The following SSR2 variants were observed in gnomAD, a reference collection of about 807,000 sequenced individuals.
The protein encoded by SSR2 is translocon-associated protein subunit beta.
A neutral mutation model predicts 22.6 loss-of-function variants in SSR2; 16 were observed. That is an observed-to-expected ratio of 0.71 (90% CI 0.48 to 1.08). The LOEUF is 1.08. SSR2 is among the 50% of genes least tolerant of loss of function. The pLI, the probability that SSR2 is intolerant of heterozygous loss-of-function variation, is 0.00. For missense variants in SSR2, 171 were observed against 221.6 expected (o/e 0.77, Z 1.45); for synonymous variants, 83 against 91.2 (o/e 0.91, Z 0.51).
chr1:156,009,370 G>A lies in SSR2; in HGVS notation c.*170C>T. 1.6e-6 allele frequency: 1 copy of A among 640,922 alleles called. No homozygotes were observed. The highest frequency in any genetic ancestry group is 2.8e-6 in the Non-Finnish European group (1 of 359,506). The allele number at this position is 640,922 out of a possible 1,614,324, so 39.7% of individuals were successfully genotyped here. A position where few individuals can be genotyped will look rare whatever the true frequency, so the allele number is the denominator to read the frequency against. On this transcript the variant is annotated 3_prime_UTR_variant, in exon 6 of 6. Transcript: ENST00000295702. Reference sequence around the variant, plus strand: ...CCAAGGAGGCTCTCGCAGACTCCTAGGGCTGGTCCTTCACTATGGCTGAGA... The same window carrying A: ...CCAAGGAGGCTCTCGCAGACTCCTAAGGCTGGTCCTTCACTATGGCTGAGA...
In SSR2 at chr1:156,018,432, C is replaced by T. The variant is rs148233110; in HGVS notation, c.156-64G>A. The T allele has an allele frequency of 2.0e-3, 2,825 of 1,380,748 alleles. 5 individuals carry two copies. Among genetic ancestry groups the T allele is most frequent in the Non-Finnish European group, 2.6e-3 (2,560 of 984,692 alleles). 85.5% of individuals were successfully genotyped at this position (1,380,748 alleles called of 1,614,324 possible). A position where few individuals can be genotyped will look rare whatever the true frequency, so the allele number is the denominator to read the frequency against. On this transcript the variant is annotated intron_variant, in intron 2 of 5. Coordinates refer to ENST00000295702, the MANE Select transcript of SSR2 (RefSeq NM_003145.4). ...GGATATAAAATTAAAGCAGGCCGGG[C>T]GCCGTGGCTCACGCCTGTAATCCCA...
rs11356147 is a variant in SSR2 at position 156,016,589 on chromosome 1, C to CA, written c.255-1521dup. ...TAATTGAAGGAAATTATTGAAAATA[C>CA]AAAAAAAAAAGACAAAACAAAAACA... On this transcript the variant is annotated intron_variant, in intron 3 of 5. Coordinates refer to ENST00000295702, the MANE Select transcript of SSR2 (RefSeq NM_003145.4). Among the ~76,000 whole-genome samples, 73 of 149,726 alleles carry CA rather than the reference C, an allele frequency of 4.9e-4. No individual in the cohort carries two copies. The South Asian group carries it at 5.3e-3, about 11-fold the overall frequency.
intron 5 of SSR2, 36 bp downstream of exon 5, chr1:156,011,774 C>G: frequency 6.4e-7 from 1 of 1,563,932 alleles, no homozygotes; most frequent in Admixed American, 1.7e-5. Flanking sequence ...ATTCTCATAC[C>G]AAGGAACTGA....
chr1:156,019,896 C>G, intron 2 of SSR2, 117 bp downstream of exon 2: 1 of 1,148,512 alleles, frequency 8.7e-7, no homozygotes, highest in Middle Eastern at 2.7e-4. Context: ...CTCAATATAT[C>G]TGATGCTGGA....
At chr1:156,015,439 G>A (rs1446756767) in intron 3 of SSR2, among the ~76,000 whole-genome samples, 9 of 144,480 alleles carry the variant, frequency 6.2e-5, no homozygotes, top group African/African-American at 7.7e-5. Flanking sequence ...CCCGGGAGGC[G>A]GAGGTTGAGT....
chr1:156,019,478 G>A (rs554868879), intron 2 of SSR2, among the ~76,000 whole-genome samples: 14 of 151,968 alleles, frequency 9.2e-5, no homozygotes, highest in Admixed American at 3.3e-4. Flanking sequence ...TCCGCCTCCC[G>A]GGTTCAAGCG....
At chr1:156,012,231 C>T (rs1240470174) in intron 4 of SSR2, 2 of 290,970 alleles carry the variant, frequency 6.9e-6, no homozygotes, top group African/African-American at 4.3e-5. Context: ...AGTTGCTCAC[C>T]ACCACTGGTC....
At position 156,020,919 on chromosome 1, in the gene SSR2, CAA is replaced by C. The variant is rs1037155992; in HGVS notation, c.-34_-33del. ...CATCCCAAACGCCTTTCCGGAGCCA[CAA>C]AGACAGGAAGAGAGCGTCAGCATCC... On this transcript the variant is annotated 5_prime_UTR_variant, in exon 1 of 6. Coordinates refer to ENST00000295702, the MANE Select transcript of SSR2 (RefSeq NM_003145.4). The C allele has an allele frequency of 8.5e-6, 4 of 471,144 alleles. No individual in the cohort carries two copies. Among genetic ancestry groups the C allele is most frequent in the African/African-American group, 8.0e-5 (4 of 50,068 alleles). The allele number at this position is 471,144 out of a possible 1,614,324, so 29.2% of individuals were successfully genotyped here. A position where few individuals can be genotyped will look rare whatever the true frequency, so the allele number is the denominator to read the frequency against.
intron 3 of SSR2, 78 bp from the exon 4 acceptor site, chr1:156,015,147 A>G (rs935119388): frequency 9.4e-7 from 1 of 1,064,084 alleles, no homozygotes; most frequent in Admixed American, 2.0e-5. Flanking sequence ...TAAATGCACC[A>G]CTTACAAAAC....
In SSR2 at chr1:156,020,118, G is replaced by C. The variant is rs1558078914; in HGVS notation, c.50C>G (p.Ala17Gly). 1 of 1,614,114 alleles carries C rather than the reference G, an allele frequency of 6.2e-7. No homozygotes were observed. Among genetic ancestry groups the C allele is most frequent in the Non-Finnish European group, 8.5e-7 (1 of 1,180,040 alleles). Residue 17 changes from alanine to glycine, a missense_variant, in exon 2 of 6, where the codon GCA (alanine) becomes GGA (glycine). Coordinates refer to ENST00000295702, the MANE Select transcript of SSR2 (RefSeq NM_003145.4). ...AGCCAAAAGCCTGGCTCCTTCCTCT[G>C]CTTGAGTGACAGCAAATAGAGCCAA... ...VVLALFAVTQ[A>G]EEGARLLASK...
intron 4 of SSR2, chr1:156,012,374 T>C: frequency 2.9e-6 from 1 of 349,262 alleles, no homozygotes; most frequent in Non-Finnish European, 5.7e-6. Flanking sequence ...TAATGAAGTA[T>C]AAAGCCCTAC....
chr1:156,011,616 A>G, intron 5 of SSR2, 194 bp downstream of exon 5: 3 of 477,258 alleles, frequency 6.3e-6, no homozygotes, highest in Non-Finnish European at 1.1e-5. Flanking sequence ...GGTTTTGGCA[A>G]TTGTGATCTC....
At chr1:156,012,344 A>T (rs975597114) in intron 4 of SSR2, 2 of 323,750 alleles carry the variant, frequency 6.2e-6, no homozygotes, top group Non-Finnish European at 6.2e-6. Flanking sequence ...GTGAGGCTCA[A>T]ATGAAATAGC....
intron 2 of SSR2, among the ~76,000 whole-genome samples, chr1:156,019,528 G>A (rs1411587937): frequency 6.6e-6 from 1 of 152,106 alleles, no homozygotes; most frequent in Non-Finnish European, 1.5e-5. Flanking sequence ...GGGACTACAG[G>A]CGTCCGCCAC....
rs2230575 is a variant in SSR2 at position 156,009,496 on chromosome 1, A to G, written c.*44T>C. The G allele has an allele frequency of 2.3e-4, 335 of 1,446,522 alleles. 2 individuals are homozygous for G. The African/African-American group carries it at 4.0e-3, about 17-fold the overall frequency. The allele number at this position is 1,446,522 out of a possible 1,614,324, so 89.6% of individuals were successfully genotyped here. A position where few individuals can be genotyped will look rare whatever the true frequency, so the allele number is the denominator to read the frequency against. ...GGAAAGCACCTGGATTTCTTGGGAG[A>G]GGAGCCTGGATTTCTTGGGAGAGGA... On this transcript the variant is annotated 3_prime_UTR_variant, in exon 6 of 6. Transcript: ENST00000295702.
At chr1:156,018,438 G>A in intron 2 of SSR2, 70 bp from the exon 3 acceptor site, 1 of 1,289,438 alleles carries the variant, frequency 7.8e-7, no homozygotes, top group Non-Finnish European at 1.1e-6. Context: ...CGGGCGCCGT[G>A]GCTCACGCCT....
In SSR2 at chr1:156,020,904, G is replaced by A. The variant is rs1184772866; in HGVS notation, c.-17C>T. 4.2e-6 allele frequency: 2 copies of A among 471,118 alleles called. No individual in the cohort carries two copies. Among genetic ancestry groups the A allele is most frequent in the East Asian group, 6.9e-5 (1 of 14,522 alleles). 29.2% of individuals were successfully genotyped at this position (471,118 alleles called of 1,614,324 possible). ...CGGACTTACCGTTGGCATCCCAAAC[G>A]CCTTTCCGGAGCCACAAAGACAGGA... On this transcript the variant is annotated 5_prime_UTR_variant, in exon 1 of 6. Transcript: ENST00000295702.
intron 3 of SSR2, among the ~76,000 whole-genome samples, chr1:156,016,812 A>G (rs1683065465): frequency 1.3e-5 from 2 of 152,038 alleles, no homozygotes; most frequent in Non-Finnish European, 2.9e-5. Flanking sequence ...GAGTTCTCAC[A>G]AGATCTGGTT....
chr1:156,014,818 G>C, intron 4 of SSR2, 143 bp downstream of exon 4: 1 of 671,648 alleles, frequency 1.5e-6, no homozygotes, highest in Non-Finnish European at 2.6e-6. Flanking sequence ...CTAGATTACA[G>C]GTGTGAGCCA....
Sources: allele counts gnomAD v4.1 joint callset (sites outside exome capture counted in the v4.1 genomes callset), GRCh38; gene constraint gnomAD v4.1.1; transcripts MANE v1.5; gene names NCBI Gene and HGNC (gene_info 2026-07-23, HGNC 2026-07-21).